Variants in PCED1B observed in about 807,000 individuals in gnomAD.
PCED1B encodes the protein PC-esterase domain-containing protein 1B.
For missense variants in PCED1B, 573 were observed against 573.9 expected (o/e 1.00, Z 0.02); for synonymous variants, 251 against 246.1 (o/e 1.02, Z -0.19).
intron 1 of PCED1B, among the ~76,000 whole-genome samples, chr12:47,095,120 A>T (rs148165454): frequency 1.1e-4 from 15 of 130,442 alleles, no homozygotes; most frequent in African/African-American, 4.0e-4. Context: ...TTTGTTGCCT[A>T]GGCTGAGATT....
At chr12:47,153,749 A>C (rs115200125) in intron 2 of PCED1B, among the ~76,000 whole-genome samples, 3 of 152,232 alleles carry the variant, frequency 2.0e-5, no homozygotes, top group African/African-American at 4.8e-5. Flanking sequence ...CCTCTGAATT[A>C]TGAAATAAAT....
At chr12:47,133,289 T>C (rs1940207790) in intron 2 of PCED1B, among the ~76,000 whole-genome samples, 1 of 152,210 alleles carries the variant, frequency 6.6e-6, no homozygotes. Context: ...GTAGGGATTG[T>C]ACTCAGAGAC....
intron 2 of PCED1B, among the ~76,000 whole-genome samples, chr12:47,108,055 G>C (rs1172969436): frequency 6.7e-6 from 1 of 148,238 alleles, no homozygotes; most frequent in East Asian, 1.9e-4. Flanking sequence ...TAGTACCAGT[G>C]AGAGCCCTCA....
intron 1 of PCED1B, among the ~76,000 whole-genome samples, chr12:47,098,902 T>G (rs1437029423): frequency 6.6e-6 from 1 of 152,232 alleles, no homozygotes; most frequent in Non-Finnish European, 1.5e-5. Context: ...TTTCCCAGCT[T>G]TGGTGGCTAT....
At chr12:47,095,155 C>T (rs1003632158) in intron 1 of PCED1B, among the ~76,000 whole-genome samples, 1 of 150,136 alleles carries the variant, frequency 6.7e-6, no homozygotes, top group South Asian at 2.1e-4. Flanking sequence ...TGAAGAACAT[C>T]CTTTAGTTTT....
intron 2 of PCED1B, among the ~76,000 whole-genome samples, chr12:47,141,093 T>C (rs1565773096): frequency 6.6e-6 from 1 of 152,180 alleles, no homozygotes; most frequent in South Asian, 2.1e-4. Flanking sequence ...AGACCATGAT[T>C]TGAGTCCTGG....
chr12:47,145,396 C>T (rs1315130736), intron 2 of PCED1B, among the ~76,000 whole-genome samples: 4 of 152,124 alleles, frequency 2.6e-5, no homozygotes, highest in African/African-American at 9.7e-5. Context: ...GAAGATCTTG[C>T]TAAGATAATG....
intron 2 of PCED1B, among the ~76,000 whole-genome samples, chr12:47,138,623 A>G (rs1002656525): frequency 1.1e-4 from 17 of 152,196 alleles, no homozygotes; most frequent in Admixed American, 4.6e-4. Flanking sequence ...TCTAAACTCT[A>G]TGGTGCCTCA....
rs1283467924 is a variant in PCED1B, at chr12:47,229,864, G to A, written c.-57-5143G>A. Among the ~76,000 whole-genome samples, 3 of 151,756 alleles carry A rather than the reference G, an allele frequency of 2.0e-5. No homozygotes were observed. The East Asian group carries it at 5.8e-4, about 29-fold the overall frequency. ...GGCTCATTGCAAGCTCTGCCTCCCG[G>A]GTTCCTGCCATTCTCCTGCCTCAGC... On this transcript the variant is annotated intron_variant, in intron 3 of 3. Coordinates refer to ENST00000546455, the MANE Select transcript of PCED1B (RefSeq NM_138371.3).
intron 2 of PCED1B, among the ~76,000 whole-genome samples, chr12:47,111,994 T>A (rs1256922198): frequency 6.6e-6 from 1 of 152,004 alleles, no homozygotes; most frequent in Non-Finnish European, 1.5e-5. Flanking sequence ...GTGTAGCCCC[T>A]CCATAAGATG....
rs1288985202 is a variant in PCED1B at position 47,147,606 on chromosome 12, C to T, written c.-526+43411C>T. The stretch of plus-strand genomic sequence containing the variant: ...ATTTGTCTATCCATATTCTATTTAC[C>T]ATCCATATTCTATCTGTCTACCATC... On this transcript the variant is annotated intron_variant, in intron 2 of 3. Transcript: ENST00000546455. Among the ~76,000 whole-genome samples the T allele has an allele frequency of 3.3e-5, 5 of 152,070 alleles. No homozygotes were observed. The East Asian group carries it at 5.8e-4, about 18-fold the overall frequency.
intron 2 of PCED1B, among the ~76,000 whole-genome samples, chr12:47,140,548 T>C (rs767926697): frequency 1.3e-5 from 2 of 152,182 alleles, no homozygotes; most frequent in Admixed American, 6.5e-5. Context: ...CCTCATTCGA[T>C]CAACGGAATG....
chr12:47,234,986 C>A, intron 3 of PCED1B, 21 bp from the exon 4 acceptor site: 1 of 1,368,070 alleles, frequency 7.3e-7, no homozygotes, highest in Non-Finnish European at 9.9e-7. Flanking sequence ...CCCTCCCAGC[C>A]CTTCTCTCCT....
chr12:47,134,879 A>G (rs1940288372), intron 2 of PCED1B, among the ~76,000 whole-genome samples: 1 of 152,178 alleles, frequency 6.6e-6, no homozygotes, highest in African/African-American at 2.4e-5. Context: ...AAAGATATAT[A>G]CATGCATATA....
chr12:47,125,740 C>G (rs997403402), intron 2 of PCED1B, among the ~76,000 whole-genome samples: 8 of 151,896 alleles, frequency 5.3e-5, no homozygotes, highest in African/African-American at 1.9e-4. Flanking sequence ...AGATTCGTTC[C>G]TAAGTATTTT....
chr12:47,181,393 G>C (rs1309023811), intron 2 of PCED1B, among the ~76,000 whole-genome samples: 1 of 149,634 alleles, frequency 6.7e-6, no homozygotes, highest in Non-Finnish European at 1.5e-5. Context: ...TTTTGAGATG[G>C]ATTTTCACTC....
At chr12:47,115,055 C>T (rs1417696389) in intron 2 of PCED1B, among the ~76,000 whole-genome samples, 1 of 152,052 alleles carries the variant, frequency 6.6e-6, no homozygotes, top group Non-Finnish European at 1.5e-5. Flanking sequence ...CAGGATGTTA[C>T]CTGTTTATCT....
intron 2 of PCED1B, among the ~76,000 whole-genome samples, chr12:47,169,684 TC>T (rs1317083933): frequency 6.6e-6 from 1 of 152,130 alleles, no homozygotes; most frequent in Non-Finnish European, 1.5e-5. Flanking sequence ...TACTAGTATA[TC>T]TTTTACCTAA....
intron 2 of PCED1B, among the ~76,000 whole-genome samples, chr12:47,107,885 G>A (rs1260228035): frequency 6.6e-6 from 1 of 152,112 alleles, no homozygotes; most frequent in Non-Finnish European, 1.5e-5. Context: ...AGAAAAATGA[G>A]GATCTTTATT....
Sources: gnomAD v4.1 joint callset for allele counts (sites outside exome capture counted in the v4.1 genomes callset) on GRCh38, gnomAD v4.1.1 for gene constraint, MANE v1.5 for transcripts, NCBI Gene and HGNC (gene_info 2026-07-23, HGNC 2026-07-21) for gene names.